RNF13: variants seen among roughly 807,000 people sequenced by gnomAD.
The protein encoded by RNF13 is E3 ubiquitin-protein ligase RNF13.
In RNF13, 19 loss-of-function variants were observed where a neutral mutation model predicts 37.7. The observed-to-expected ratio is 0.50, with a 90% CI of 0.35 to 0.74. RNF13 has a LOEUF of 0.74. Among genes scored for constraint, RNF13 ranks in the 30% least tolerant of loss-of-function variants. The pLI, the probability that RNF13 is intolerant of heterozygous loss-of-function variation, is 0.01. For missense variants in RNF13, 375 were observed against 453.0 expected, an observed-to-expected ratio of 0.83 and a Z score of 1.56; for synonymous variants, 144 against 157.8, an observed-to-expected ratio of 0.91 and a Z score of 0.65.
intron 3 of RNF13, among the ~76,000 whole-genome samples, chr3:149,856,974 T>G (rs1723720083): frequency 6.6e-6 from 1 of 152,196 alleles, no homozygotes; most frequent in South Asian, 2.1e-4. Flanking sequence ...GGTCTCAATC[T>G]TCTGACTTCA....
chr3:149,868,462 A>G (rs920776229), intron 3 of RNF13, among the ~76,000 whole-genome samples: 1 of 151,614 alleles, frequency 6.6e-6, no homozygotes, highest in African/African-American at 2.4e-5. Context: ...TTGAAGGATA[A>G]CTTTACTGGA....
chr3:149,890,792 T>A (rs912832691), intron 4 of RNF13, among the ~76,000 whole-genome samples: 2 of 152,184 alleles, frequency 1.3e-5, no homozygotes, highest in African/African-American at 4.8e-5. Context: ...TGAAAAAATA[T>A]CCCCACCTTT....
chr3:149,850,671 A>G (rs1291156302), intron 2 of RNF13, among the ~76,000 whole-genome samples: 2 of 152,236 alleles, frequency 1.3e-5, no homozygotes, highest in South Asian at 2.1e-4. Context: ...ATTAAAAAAT[A>G]CTGCTTACAC....
At chr3:149,918,852 A>G (rs1270833043) in intron 7 of RNF13, among the ~76,000 whole-genome samples, 1 of 151,692 alleles carries the variant, frequency 6.6e-6, no homozygotes, top group Non-Finnish European at 1.5e-5. Context: ...TTTTACTTTT[A>G]TTTTTGTCCT....
At chr3:149,925,203 A>T (rs549281565) in intron 8 of RNF13, among the ~76,000 whole-genome samples, 1 of 152,204 alleles carries the variant, frequency 6.6e-6, no homozygotes, top group Non-Finnish European at 1.5e-5. Flanking sequence ...ACCCATCAGC[A>T]TAACTGTTTT....
intron 8 of RNF13, among the ~76,000 whole-genome samples, chr3:149,928,627 C>G (rs935207590): frequency 6.6e-6 from 1 of 152,006 alleles, no homozygotes; most frequent in African/African-American, 2.4e-5. Flanking sequence ...TGTTGTTGTT[C>G]TTCAGTATTT....
Position 149,961,044 on chromosome 3 carries a change from TGTC to T in RNF13, c.1089_1091del (p.Val365del), listed in dbSNP as rs368558129. The T allele has an allele frequency of 4.3e-6, 7 of 1,614,112 alleles. No homozygotes were observed. The African/African-American group carries it at 8.0e-5, about 18-fold the overall frequency. Reference sequence around the variant, plus strand: ...CAGAAAATGAAATTAATGAACATGATGTCGTGGTCCAGTTGCAGCCTAATGGTG... The same window carrying T: ...CAGAAAATGAAATTAATGAACATGATGTGGTCCAGTTGCAGCCTAATGGTG... On this transcript the variant is annotated inframe_deletion, in exon 10 of 10. Transcript: ENST00000392894.
chr3:149,952,270 A>G (rs190567135), intron 8 of RNF13, among the ~76,000 whole-genome samples: 8 of 152,080 alleles, frequency 5.3e-5, no homozygotes, highest in African/African-American at 1.9e-4. Flanking sequence ...TTTAGAAGGA[A>G]ATTTTATGTA....
At chr3:149,897,166 A>G (rs888401864) in intron 5 of RNF13, among the ~76,000 whole-genome samples, 3 of 152,212 alleles carry the variant, frequency 2.0e-5, no homozygotes, top group African/African-American at 7.2e-5. Context: ...AATGGAAAGC[A>G]TGCGTAGTCT....
At chr3:149,909,052 A>G (rs990312122) in intron 6 of RNF13, among the ~76,000 whole-genome samples, 1 of 152,114 alleles carries the variant, frequency 6.6e-6, no homozygotes, top group African/African-American at 2.4e-5. Context: ...TTCCTCAAAT[A>G]CAGATTAATC....
intron 3 of RNF13, among the ~76,000 whole-genome samples, chr3:149,859,481 AAG>A: frequency 6.6e-6 from 1 of 151,874 alleles, no homozygotes; most frequent in African/African-American, 2.4e-5. Flanking sequence ...TCACTTAGAG[AAG>A]AGGGGAGATA....
At chr3:149,903,283 T>G (rs1716036530) in intron 6 of RNF13, among the ~76,000 whole-genome samples, 5 of 152,126 alleles carry the variant, frequency 3.3e-5, no homozygotes, top group Admixed American at 3.3e-4. Flanking sequence ...AGTACTTGCT[T>G]TTACCTCAAT....
intron 1 of RNF13, among the ~76,000 whole-genome samples, chr3:149,838,680 T>C (rs981696993): frequency 6.6e-6 from 1 of 152,232 alleles, no homozygotes; most frequent in African/African-American, 2.4e-5. Context: ...AAGCCATTTT[T>C]TCCTCCTAGG....
intron 8 of RNF13, among the ~76,000 whole-genome samples, chr3:149,934,806 G>A (rs970391516): frequency 7.9e-5 from 12 of 151,986 alleles, no homozygotes; most frequent in Non-Finnish European, 4.4e-5. Flanking sequence ...TTGTAGAGAT[G>A]AGGTTTTACC....
chr3:149,890,541 A>G lies in RNF13; in HGVS notation c.322-4932A>G, dbSNP rs139311252. ...AATTATTTAATCCTCAGATTAAACA[A>G]TAATAAATGTGTATATTGTAATACT... On this transcript the variant is annotated intron_variant, in intron 4 of 9. Coordinates refer to ENST00000392894, the MANE Select transcript of RNF13 (RefSeq NM_183381.3). Among the ~76,000 whole-genome samples, 431 of 152,340 alleles carry G rather than the reference A, an allele frequency of 2.8e-3. 2 individuals are homozygous for G. Among genetic ancestry groups the G allele is most frequent in the African/African-American group, 9.9e-3 (412 of 41,576 alleles).
intron 9 of RNF13, among the ~76,000 whole-genome samples, chr3:149,960,351 G>A (rs111840234): frequency 6.6e-6 from 1 of 152,104 alleles, no homozygotes; most frequent in South Asian, 2.1e-4. Context: ...CAGCACTTTG[G>A]GAGGCCGAGG....
At chr3:149,918,916 T>C (rs988368323) in intron 7 of RNF13, among the ~76,000 whole-genome samples, 1 of 152,150 alleles carries the variant, frequency 6.6e-6, no homozygotes, top group Non-Finnish European at 1.5e-5. Context: ...TGATCGGAAT[T>C]TTTTTCTTAT....
intron 8 of RNF13, among the ~76,000 whole-genome samples, chr3:149,950,641 A>T (rs1475207450): frequency 1.4e-5 from 2 of 143,810 alleles, no homozygotes; most frequent in African/African-American, 5.1e-5. Context: ...TGCCCAGCTA[A>T]TTTTTTTTTT....
rs1464663717 is a variant in RNF13 at position 149,961,149 on chromosome 3, A to C, written c.*45A>C. The C allele has an allele frequency of 2.0e-6, 3 of 1,500,180 alleles. No individual in the cohort carries two copies. The East Asian group carries it at 6.8e-5, about 34-fold the overall frequency. 92.9% of individuals were successfully genotyped at this position (1,500,180 alleles called of 1,614,324 possible). A position where few individuals can be genotyped will look rare whatever the true frequency, so the allele number is the denominator to read the frequency against. Reference sequence around the variant, plus strand: ...TTATTTCCCTTTAAAATGATTAGGTATATACTGTAATTTGATTTTTTGCTC... The same window carrying C: ...TTATTTCCCTTTAAAATGATTAGGTCTATACTGTAATTTGATTTTTTGCTC... On this transcript the variant is annotated 3_prime_UTR_variant, in exon 10 of 10. Coordinates refer to ENST00000392894, the MANE Select transcript of RNF13 (RefSeq NM_183381.3).
Sources: gnomAD v4.1 joint callset for allele counts (sites outside exome capture counted in the v4.1 genomes callset) on GRCh38, gnomAD v4.1.1 for gene constraint, MANE v1.5 for transcripts, NCBI Gene and HGNC (gene_info 2026-07-23, HGNC 2026-07-21) for gene names.